PRMT9: variants seen among roughly 807,000 people sequenced by gnomAD.
PRMT9 encodes protein arginine N-methyltransferase 9.
In PRMT9, 59 loss-of-function variants were observed where a neutral mutation model predicts 83.2. That is an observed-to-expected ratio of 0.71 (90% confidence interval 0.57 to 0.88). The LOEUF (loss-of-function observed/expected upper bound fraction) is 0.88. PRMT9 is among the 40% of genes least tolerant of loss of function. The pLI is 0.00. For missense variants in PRMT9, 947 were observed against 1,021.9 expected (o/e 0.93, Z 1.00); for synonymous variants, 333 against 353.2 (o/e 0.94, Z 0.64).
At chr4:147,639,338 G>T (rs570264611) in intron 10 of PRMT9, 288 of 404,314 alleles carry the variant, frequency 7.1e-4, no homozygotes, top group Non-Finnish European at 9.2e-4. Context: ...ATTTGCTCTG[G>T]TTTCCATTAC....
chr4:147,680,456 T>C lies in PRMT9; in HGVS notation c.205A>G (p.Thr69Ala), dbSNP rs1203022941. Residue 69 changes from threonine (T) to alanine (A), a missense_variant, in exon 2 of 12, where the codon ACA (threonine) becomes GCA (alanine). By Grantham distance (58) the Thr-to-Ala change is moderately conservative. Coordinates refer to ENST00000322396, the MANE Select transcript of PRMT9 (RefSeq NM_138364.4). ...AGCTCTTCAGCCCATCTGAAAAGTG[T>C]GTACTGAAAAGTTTCCTTTACAAAT... ...KHDVKETFQY[T>A]LFRWAEELDA... 6.2e-7 allele frequency: 1 copy of C among 1,613,836 alleles called. No individual in the cohort carries two copies. Among genetic ancestry groups the C allele is most frequent in the Non-Finnish European group, 8.5e-7 (1 of 1,179,810 alleles).
Position 147,638,535 on chromosome 4 carries a change from T to C in PRMT9, c.2535A>G (p.Gln845=). The C allele has an allele frequency of 6.2e-7, 1 of 1,613,056 alleles. No individual in the cohort carries two copies. The highest frequency in any genetic ancestry group is 8.5e-7 in the Non-Finnish European group (1 of 1,179,134). Residue 845 remains glutamine, a synonymous_variant, in exon 12 of 12, where the codon CAA becomes CAG. Coordinates refer to ENST00000322396, the MANE Select transcript of PRMT9 (RefSeq NM_138364.4). ...GTTTTCATTGGAAAACTGCTCTTCA[T>C]TGCTTTACTGTGATGCTGACATTGC... is the stretch of plus-strand genomic sequence containing the variant. The part of the protein sequence containing the change: ...HKSNVSITVK[Q]
At position 147,680,406 on chromosome 4, in the gene PRMT9, G is replaced by A; in HGVS notation, c.255C>T (p.Asp85=). The change falls in exon 2 of 12, where the codon GAC becomes GAT. Residue 85 remains aspartate, a synonymous_variant. Coordinates refer to ENST00000322396, the MANE Select transcript of PRMT9 (RefSeq NM_138364.4). ...EELDALSRIQ[D]LLGCYEQALE... ...AGGCCTGCTCATAGCAACCAAGTAA[G>A]TCTTGTATCCGACTGAGAGCATCAA... 6.2e-7 allele frequency: 1 copy of A among 1,613,954 alleles called. No homozygotes were observed. The highest frequency in any genetic ancestry group is 8.5e-7 in the Non-Finnish European group (1 of 1,179,850).
chr4:147,677,566 A>T, intron 2 of PRMT9, among the ~76,000 whole-genome samples: 1 of 145,304 alleles, frequency 6.9e-6, no homozygotes, highest in Non-Finnish European at 1.5e-5. Flanking sequence ...CAATTTTCCT[A>T]CCTCAGCCTC....
At chr4:147,665,824 T>A (rs531434404) in intron 6 of PRMT9, among the ~76,000 whole-genome samples, 2 of 152,346 alleles carry the variant, frequency 1.3e-5, no homozygotes, top group Admixed American at 1.3e-4. Context: ...TGTTACATCA[T>A]AATTTATTGA....
intron 9 of PRMT9, among the ~76,000 whole-genome samples, chr4:147,651,099 T>A (rs1239035416): frequency 6.7e-5 from 10 of 149,474 alleles, no homozygotes; most frequent in Non-Finnish European, 1.3e-4. Flanking sequence ...TGAGACTCCA[T>A]CTCAAAAAAA....
chr4:147,669,839 T>A (rs574417520), intron 5 of PRMT9, among the ~76,000 whole-genome samples: 27 of 152,392 alleles, frequency 1.8e-4, no homozygotes, highest in Admixed American at 7.2e-4. Flanking sequence ...ATTTGTGGGC[T>A]ACAATAGAGG....
Position 147,683,990 on chromosome 4 carries a change from C to G in PRMT9, c.-3G>C. The G allele has an allele frequency of 6.2e-7, 1 of 1,612,586 alleles. No individual in the cohort carries two copies. The highest frequency in any genetic ancestry group is 1.3e-5 in the African/African-American group (1 of 75,044). Reference sequence around the variant, plus strand: ...GACCTGGGCCGCGAGTTCGACATGGCAGTCACCACTTGTATGGCCAAAGGG... The same window carrying G: ...GACCTGGGCCGCGAGTTCGACATGGGAGTCACCACTTGTATGGCCAAAGGG... On this transcript the variant is annotated 5_prime_UTR_variant, in exon 1 of 12. Transcript: ENST00000322396.
At chr4:147,663,260 A>G (rs905404502) in intron 6 of PRMT9, among the ~76,000 whole-genome samples, 10 of 152,032 alleles carry the variant, frequency 6.6e-5, no homozygotes, top group Admixed American at 3.9e-4. Context: ...CGCCCGCCTC[A>G]GCCTCCCAAA....
Position 147,638,721 on chromosome 4 carries a change from C to CA in PRMT9, c.2348dup (p.Thr784AspfsTer12). ...TATGATACCAAAATGGAATAGCAGT[C>CA]AGTCTTCCAGATTTACAAACGTATA... is the stretch of plus-strand genomic sequence containing the variant. On this transcript the variant is annotated frameshift_variant, in exon 12 of 12. Transcript: ENST00000322396. LOFTEE classifies it high-confidence loss of function. 6.2e-7 allele frequency: 1 copy of CA among 1,612,814 alleles called. No individual in the cohort carries two copies. The highest frequency in any genetic ancestry group is 1.3e-5 in the African/African-American group (1 of 75,002).
intron 10 of PRMT9, among the ~76,000 whole-genome samples, chr4:147,640,553 C>T (rs1733327209): frequency 6.6e-6 from 1 of 152,074 alleles, no homozygotes; most frequent in South Asian, 2.1e-4. Flanking sequence ...AATCTTCAGC[C>T]CAGAGCTTTC....
chr4:147,662,367 C>T (rs1258306721), intron 6 of PRMT9, among the ~76,000 whole-genome samples: 1 of 152,184 alleles, frequency 6.6e-6, no homozygotes, highest in Non-Finnish European at 1.5e-5. Context: ...TTTCTTCCTG[C>T]ACACTTTATA....
intron 10 of PRMT9, among the ~76,000 whole-genome samples, chr4:147,639,851 C>A (rs1331085676): frequency 6.6e-6 from 1 of 152,080 alleles, no homozygotes; most frequent in Non-Finnish European, 1.5e-5. Context: ...AGCATCCAGC[C>A]TTTATTCCCC....
At chr4:147,669,004 T>G (rs946498621) in intron 5 of PRMT9, among the ~76,000 whole-genome samples, 4 of 152,060 alleles carry the variant, frequency 2.6e-5, no homozygotes, top group African/African-American at 9.7e-5. Context: ...GAGAATCGCT[T>G]GAACCCAGGA....
chr4:147,649,651 C>T (rs763947410), intron 9 of PRMT9, among the ~76,000 whole-genome samples: 13 of 152,054 alleles, frequency 8.5e-5, no homozygotes, highest in Admixed American at 5.9e-4. Context: ...TACAGGCATG[C>T]GCCACCACGC....
Position 147,680,408 on chromosome 4 carries a change from C to A in PRMT9, c.253G>T (p.Asp85Tyr). 1 of 1,614,070 alleles carries A rather than the reference C, an allele frequency of 6.2e-7. No individual in the cohort carries two copies. The highest frequency in any genetic ancestry group is 8.5e-7 in the Non-Finnish European group (1 of 1,179,944). Residue 85 changes from aspartate to tyrosine, a missense_variant, in exon 2 of 12, where the codon GAC becomes TAC. By Grantham distance (160) the Asp-to-Tyr change is radical. Coordinates refer to ENST00000322396, the MANE Select transcript of PRMT9 (RefSeq NM_138364.4). Reference sequence around the variant, plus strand: ...GCCTGCTCATAGCAACCAAGTAAGTCTTGTATCCGACTGAGAGCATCAAGC... The same window carrying A: ...GCCTGCTCATAGCAACCAAGTAAGTATTGTATCCGACTGAGAGCATCAAGC... ...EELDALSRIQ[D>Y]LLGCYEQALE...
intron 7 of PRMT9, among the ~76,000 whole-genome samples, chr4:147,659,195 G>GT (rs1734761782): frequency 7.0e-6 from 1 of 142,828 alleles, no homozygotes; most frequent in Admixed American, 7.0e-5. Flanking sequence ...AAAAAAAAGA[G>GT]TTCGAGACCA....
rs761578898 is a variant in PRMT9 at position 147,673,135 on chromosome 4, G to A, written c.576-9C>T. 6.2e-6 allele frequency: 10 copies of A among 1,613,048 alleles called. No homozygotes were observed. Among genetic ancestry groups the A allele is most frequent in the African/African-American group, 2.7e-5 (2 of 74,856 alleles). ...CTTTTTTAGCAAACATGCTACAAGG[G>A]AAAAAAGTTCTCCATCAAGAAAAAA... is the stretch of plus-strand genomic sequence containing the variant. On this transcript the variant is annotated splice_polypyrimidine_tract_variant and intron_variant, in intron 3 of 11. Coordinates refer to ENST00000322396, the MANE Select transcript of PRMT9 (RefSeq NM_138364.4).
At chr4:147,656,428 G>A (rs1283946016) in intron 8 of PRMT9, among the ~76,000 whole-genome samples, 1 of 151,992 alleles carries the variant, frequency 6.6e-6, no homozygotes, top group African/African-American at 2.4e-5. Context: ...AAGTAGCTGG[G>A]ACTACAAGCA....
Sources: allele counts gnomAD v4.1 joint callset (sites outside exome capture counted in the v4.1 genomes callset), GRCh38; gene constraint gnomAD v4.1.1; transcripts MANE v1.5; gene names NCBI Gene and HGNC (gene_info 2026-07-23, HGNC 2026-07-21).